Variants in SNX7 observed in about 807,000 individuals in gnomAD.
SNX7 encodes the protein sorting nexin 7.
In SNX7, 35 loss-of-function variants were observed where a neutral mutation model predicts 48.4. The ratio of observed to expected loss-of-function variants is 0.72; its 90% CI spans 0.55 to 0.96. The LOEUF is 0.96. SNX7 is among the 40% of genes least tolerant of loss of function. The pLI is 0.00. For missense variants in SNX7, 553 were observed against 548.9 expected, an observed-to-expected ratio of 1.01 and a Z score of -0.07; for synonymous variants, 190 against 190.2, an observed-to-expected ratio of 1.00 and a Z score of 0.01.
chr1:98,723,586 C>T lies in SNX7; in HGVS notation c.1126-14651C>T, dbSNP rs182912709. On this transcript the variant is annotated intron_variant, in intron 7 of 8. Coordinates refer to ENST00000306121, the MANE Select transcript of SNX7 (RefSeq NM_015976.5). ...GTTTTCTACATAGAAAATTCTAGGT[C>T]GGGTGCAGTGGCTCACACCCGTTTT... 1.9e-4 allele frequency among the ~76,000 whole-genome samples: 29 copies of T among 151,830 alleles called. No homozygotes were observed. In the East Asian group the frequency reaches 4.9e-3, roughly 25 times the overall value.
At chr1:98,679,790 G>A (rs1003692758) in intron 1 of SNX7, among the ~76,000 whole-genome samples, 2 of 152,186 alleles carry the variant, frequency 1.3e-5, no homozygotes, top group Non-Finnish European at 2.9e-5. Context: ...ATGGTCTTGG[G>A]CAGCTCTGCC....
At chr1:98,686,365 TA>T (rs954369968) in intron 2 of SNX7, among the ~76,000 whole-genome samples, 2 of 152,144 alleles carry the variant, frequency 1.3e-5, no homozygotes, top group African/African-American at 2.4e-5. Flanking sequence ...CTCACTTCTG[TA>T]GGGTTGCAGT....
chr1:98,682,928 T>C (rs1242075426), intron 1 of SNX7, among the ~76,000 whole-genome samples: 2 of 152,216 alleles, frequency 1.3e-5, no homozygotes, highest in Non-Finnish European at 2.9e-5. Flanking sequence ...TCTTGTTCTT[T>C]TGGTTCACAT....
chr1:98,713,447 C>CT (rs141771078), intron 7 of SNX7, among the ~76,000 whole-genome samples: 45,032 of 150,942 alleles, frequency 0.3, 7,006 homozygotes, highest in Non-Finnish European at 0.34. Flanking sequence ...AGCAATAAGG[C>CT]TTTTTTTTTG....
intron 7 of SNX7, among the ~76,000 whole-genome samples, chr1:98,730,206 A>G (rs1217852186): frequency 6.7e-6 from 1 of 150,108 alleles, no homozygotes; most frequent in Admixed American, 6.7e-5. Context: ...ATAAAATTCA[A>G]CATCCCTTCA....
intron 1 of SNX7, 34 bp downstream of exon 1, chr1:98,661,945 C>A: frequency 1.6e-6 from 2 of 1,246,010 alleles, no homozygotes; most frequent in South Asian, 8.2e-5. Flanking sequence ...CGGGAAACTT[C>A]CAAGGCAACT....
chr1:98,702,063 A>G (rs774475942), intron 7 of SNX7, among the ~76,000 whole-genome samples, 160 bp downstream of exon 7: 1 of 152,158 alleles, frequency 6.6e-6, no homozygotes, highest in Non-Finnish European at 1.5e-5. Flanking sequence ...AATCTGTTAT[A>G]CATTGGATAC....
Position 98,727,675 on chromosome 1 carries a change from G to C in SNX7, c.1126-10562G>C, listed in dbSNP as rs927953063. Among the ~76,000 whole-genome samples, 6 of 152,058 alleles carry C rather than the reference G, an allele frequency of 3.9e-5. No individual in the cohort carries two copies. The South Asian group carries it at 1.0e-3, about 26-fold the overall frequency. Reference sequence around the variant, plus strand: ...CAGGAGCTGTTAAACAGAGTAACCAGTTTAGAGAGGAACATAAATGACCTG... The same window carrying C: ...CAGGAGCTGTTAAACAGAGTAACCACTTTAGAGAGGAACATAAATGACCTG... On this transcript the variant is annotated intron_variant, in intron 7 of 8. Coordinates refer to ENST00000306121, the MANE Select transcript of SNX7 (RefSeq NM_015976.5).
At chr1:98,759,749 G>C (rs890234837) in intron 8 of SNX7, among the ~76,000 whole-genome samples, 3 of 152,144 alleles carry the variant, frequency 2.0e-5, no homozygotes, top group Middle Eastern at 6.8e-3. Context: ...AGCTCCAGCT[G>C]GGTCCATCTT....
intron 7 of SNX7, among the ~76,000 whole-genome samples, chr1:98,730,209 T>G (rs893540292): frequency 1.3e-5 from 2 of 148,262 alleles, no homozygotes; most frequent in African/African-American, 5.0e-5. Context: ...AAATTCAACA[T>G]CCCTTCATGT....
chr1:98,745,557 A>G (rs569640036), intron 8 of SNX7, among the ~76,000 whole-genome samples: 1 of 152,200 alleles, frequency 6.6e-6, no homozygotes, highest in African/African-American at 2.4e-5. Flanking sequence ...GAACTACATT[A>G]TACACCCTAA....
At chr1:98,679,244 A>T (rs1032709979) in intron 1 of SNX7, among the ~76,000 whole-genome samples, 1 of 152,154 alleles carries the variant, frequency 6.6e-6, no homozygotes, top group African/African-American at 2.4e-5. Flanking sequence ...AAAACCATCA[A>T]ATCTCGTGAA....
intron 1 of SNX7, among the ~76,000 whole-genome samples, chr1:98,682,186 T>C (rs1264885194): frequency 6.6e-6 from 1 of 151,514 alleles, no homozygotes; most frequent in Admixed American, 6.6e-5. Context: ...CCCTTTCGTA[T>C]TCTGTTCTCC....
chr1:98,686,320 T>C (rs1018492624), intron 2 of SNX7, among the ~76,000 whole-genome samples: 2 of 152,170 alleles, frequency 1.3e-5, no homozygotes, highest in Non-Finnish European at 2.9e-5. Context: ...CCAACTAAGC[T>C]GTTTTTTTAA....
intron 7 of SNX7, among the ~76,000 whole-genome samples, chr1:98,730,416 A>G (rs987494095): frequency 1.3e-5 from 2 of 152,154 alleles, no homozygotes; most frequent in African/African-American, 4.8e-5. Context: ...CGGGGCAGTC[A>G]GGCAAGAGAA....
intron 7 of SNX7, among the ~76,000 whole-genome samples, chr1:98,713,567 A>C (rs557199267): frequency 6.6e-6 from 1 of 152,300 alleles, no homozygotes; most frequent in African/African-American, 2.4e-5. Context: ...CCTAGCTTGC[A>C]GCCAGTCTCA....
At chr1:98,749,343 C>T (rs951327509) in intron 8 of SNX7, among the ~76,000 whole-genome samples, 5 of 151,958 alleles carry the variant, frequency 3.3e-5, no homozygotes, top group Admixed American at 2.0e-4. Flanking sequence ...CACAAGATGG[C>T]GTTTGTAGCT....
At chr1:98,706,413 A>T (rs950950912) in intron 7 of SNX7, among the ~76,000 whole-genome samples, 18 of 152,188 alleles carry the variant, frequency 1.2e-4, no homozygotes, top group Non-Finnish European at 1.9e-4. Context: ...AGAAGCAAGA[A>T]GACCAGTGTT....
chr1:98,758,074 T>G (rs927085742), intron 8 of SNX7, among the ~76,000 whole-genome samples: 2 of 152,062 alleles, frequency 1.3e-5, no homozygotes, highest in South Asian at 4.1e-4. Flanking sequence ...TATTAGTTTG[T>G]GGGCTGTGTG....
Sources: allele counts gnomAD v4.1 joint callset (sites outside exome capture counted in the v4.1 genomes callset), GRCh38; gene constraint gnomAD v4.1.1; transcripts MANE v1.5; gene names NCBI Gene and HGNC (gene_info 2026-07-23, HGNC 2026-07-21).